NAALADL2: variants seen among roughly 807,000 people sequenced by gnomAD.
The protein encoded by NAALADL2 is N-acetylated alpha-linked acidic dipeptidase like 2.
NAALADL2 carries 76 observed loss-of-function variants against 87.2 expected under a neutral mutation model. That is an observed-to-expected ratio of 0.87 (90% CI 0.72 to 1.05). The LOEUF (loss-of-function observed/expected upper bound fraction) is 1.05, where lower values mean the gene tolerates loss of function less well. Among genes scored for constraint, NAALADL2 ranks in the 50% least tolerant of loss-of-function variants. NAALADL2 has a pLI of 0.00. For synonymous variants in NAALADL2, 354 were observed against 331.0 expected, an observed-to-expected ratio of 1.07 and a Z score of -0.75; for missense variants, 1,089 against 945.8, an observed-to-expected ratio of 1.15 and a Z score of -1.99.
chr3:175,158,228 C>T (rs1043581999), intron 2 of NAALADL2, among the ~76,000 whole-genome samples: 1 of 152,044 alleles, frequency 6.6e-6, no homozygotes, highest in African/African-American at 2.4e-5. Flanking sequence ...GTGCTTTAGG[C>T]ACATTTCAGT....
At chr3:175,169,456 A>AATATATATATATATATATAT in intron 2 of NAALADL2, among the ~76,000 whole-genome samples, 1 of 147,036 alleles carries the variant, frequency 6.8e-6, no homozygotes, top group East Asian at 2.0e-4. Context: ...TAGTTGTAAG[A>AATATATATATATATATATAT]ATATATATAT....
chr3:174,643,589 G>A (rs1723479473), intron 2 of NAALADL2, among the ~76,000 whole-genome samples: 1 of 152,126 alleles, frequency 6.6e-6, no homozygotes, highest in South Asian at 2.1e-4. Context: ...GAGAGGCAGA[G>A]GTTGCAGTGA....
At chr3:175,595,755 G>A (rs1464422836) in intron 10 of NAALADL2, among the ~76,000 whole-genome samples, 1 of 151,808 alleles carries the variant, frequency 6.6e-6, no homozygotes, top group Non-Finnish European at 1.5e-5. Context: ...GAAATGAATG[G>A]AAAAACATTC....
intron 11 of NAALADL2, among the ~76,000 whole-genome samples, chr3:175,696,362 C>A (rs1310918999): frequency 6.6e-6 from 1 of 152,020 alleles, no homozygotes; most frequent in Non-Finnish European, 1.5e-5. Flanking sequence ...GAAATGTAAA[C>A]AAATGAAACT....
intron 2 of NAALADL2, among the ~76,000 whole-genome samples, chr3:174,559,737 G>T (rs566377322): frequency 6.6e-6 from 1 of 152,224 alleles, no homozygotes; most frequent in Admixed American, 6.5e-5. Flanking sequence ...AGGCAGGAGG[G>T]TCCCTTTTAT....
At chr3:175,481,826 A>G (rs776967400) in intron 9 of NAALADL2, among the ~76,000 whole-genome samples, 2 of 151,964 alleles carry the variant, frequency 1.3e-5, no homozygotes, top group Non-Finnish European at 2.9e-5. Flanking sequence ...TGACTTGCAA[A>G]AGAATCTAGA....
intron 1 of NAALADL2, among the ~76,000 whole-genome samples, chr3:174,547,552 G>A (rs1303438637): frequency 6.6e-6 from 1 of 151,590 alleles, no homozygotes; most frequent in African/African-American, 2.4e-5. Flanking sequence ...CAATAATAAG[G>A]AATAATAATA....
At chr3:174,766,536 C>T (rs1713825959) in intron 3 of NAALADL2, among the ~76,000 whole-genome samples, 1 of 152,198 alleles carries the variant, frequency 6.6e-6, no homozygotes, top group African/African-American at 2.4e-5. Context: ...CAGGCAACAT[C>T]AAAGGGCACC....
intron 2 of NAALADL2, among the ~76,000 whole-genome samples, chr3:174,635,684 G>A (rs58930255): frequency 6.6e-6 from 1 of 151,936 alleles, no homozygotes; most frequent in African/African-American, 2.4e-5. Context: ...TGTATTTTTA[G>A]TAGAGACGGG....
chr3:175,722,398 A>T (rs1274588289), intron 11 of NAALADL2, among the ~76,000 whole-genome samples: 1 of 152,134 alleles, frequency 6.6e-6, no homozygotes, highest in Non-Finnish European at 1.5e-5. Flanking sequence ...ATCTGAGATA[A>T]TAAAACCCAG....
At chr3:175,624,369 A>G (rs915888552) in intron 10 of NAALADL2, among the ~76,000 whole-genome samples, 6 of 152,074 alleles carry the variant, frequency 3.9e-5, no homozygotes, top group Non-Finnish European at 5.9e-5. Context: ...ATTTGGAAGC[A>G]TTAACAAATA....
chr3:175,789,157 C>G, intron 13 of NAALADL2, among the ~76,000 whole-genome samples: 1 of 152,146 alleles, frequency 6.6e-6, no homozygotes. Flanking sequence ...CCCTTTGGAA[C>G]TGAGATTGCT....
At chr3:175,427,968 A>G (rs908966473) in intron 5 of NAALADL2, among the ~76,000 whole-genome samples, 1 of 152,152 alleles carries the variant, frequency 6.6e-6, no homozygotes, top group East Asian at 1.9e-4. Flanking sequence ...GTGTTAATAC[A>G]GAACATTTCT....
At chr3:174,581,400 G>A (rs1338453659) in intron 2 of NAALADL2, among the ~76,000 whole-genome samples, 1 of 152,036 alleles carries the variant, frequency 6.6e-6, no homozygotes, top group African/African-American at 2.4e-5. Context: ...AGTATAAATA[G>A]TTTCCTAATA....
intron 5 of NAALADL2, among the ~76,000 whole-genome samples, chr3:175,429,442 G>A (rs890787000): frequency 3.9e-5 from 6 of 151,904 alleles, no homozygotes; most frequent in Admixed American, 2.0e-4. Context: ...TTAATTCAAG[G>A]CCTTTACATA....
At chr3:175,280,415 G>A (rs918268016) in intron 4 of NAALADL2, among the ~76,000 whole-genome samples, 2 of 152,022 alleles carry the variant, frequency 1.3e-5, no homozygotes, top group African/African-American at 4.8e-5. Flanking sequence ...CATAAAAAAG[G>A]TTTAATGTTG....
chr3:174,979,303 T>TG (rs1744786030), intron 1 of NAALADL2, among the ~76,000 whole-genome samples: 1 of 119,992 alleles, frequency 8.3e-6, no homozygotes, highest in Non-Finnish European at 1.7e-5. Flanking sequence ...TTCTTTCTTT[T>TG]CTTTTTTTTT....
intron 5 of NAALADL2, among the ~76,000 whole-genome samples, chr3:175,411,700 CCAGT>C (rs1713552354): frequency 6.6e-6 from 1 of 152,006 alleles, no homozygotes; most frequent in South Asian, 2.1e-4. Context: ...CATTTGAAAT[CCAGT>C]CAGTCACAAG....
intron 9 of NAALADL2, among the ~76,000 whole-genome samples, chr3:175,504,293 G>T (rs1235811647): frequency 6.6e-6 from 1 of 152,138 alleles, no homozygotes; most frequent in African/African-American, 2.4e-5. Context: ...AATTAGTTAA[G>T]AATTTCTGGA....
Sources: allele counts gnomAD v4.1 joint callset (sites outside exome capture counted in the v4.1 genomes callset), GRCh38; gene constraint gnomAD v4.1.1; transcripts MANE v1.5; gene names NCBI Gene and HGNC (gene_info 2026-07-23, HGNC 2026-07-21).